The following CEP44 variants were observed in gnomAD, a reference collection of about 807,000 sequenced individuals.
CEP44 encodes the protein centrosomal protein 44, also known as centrosomal protein of 44 kDa.
In CEP44, 45 loss-of-function variants were observed where a neutral mutation model predicts 46.7. The ratio of observed to expected loss-of-function variants is 0.96; its 90% CI spans 0.76 to 1.24. The LOEUF (loss-of-function observed/expected upper bound fraction) is 1.24, where lower values mean the gene tolerates loss of function less well. Among genes scored for constraint, CEP44 ranks in the 50% most tolerant of loss-of-function variants. CEP44 has a pLI of 0.00. For synonymous variants in CEP44, 142 were observed against 146.0 expected, an observed-to-expected ratio of 0.97 and a Z score of 0.20; for missense variants, 475 against 459.7, an observed-to-expected ratio of 1.03 and a Z score of -0.30.
chr4:174,317,760 A>G lies in CEP44; in HGVS notation c.*377A>G. On this transcript the variant is annotated 3_prime_UTR_variant, in exon 12 of 12. Transcript: ENST00000503780. Reference sequence around the variant, plus strand: ...TCCTGTTGGAAACATTCCAAATGGGACTTGTGTATTATACCCAGGAGGCTC... The same window carrying G: ...TCCTGTTGGAAACATTCCAAATGGGGCTTGTGTATTATACCCAGGAGGCTC... 1.0e-6 allele frequency: 1 copy of G among 988,018 alleles called. No homozygotes were observed. Among genetic ancestry groups the G allele is most frequent in the South Asian group, 4.7e-5 (1 of 21,300 alleles). The allele number at this position is 988,018 out of a possible 1,614,324, so 61.2% of individuals were successfully genotyped here.
At chr4:174,291,088 T>C (rs1738146104) in intron 1 of CEP44, among the ~76,000 whole-genome samples, 1 of 152,150 alleles carries the variant, frequency 6.6e-6, no homozygotes, top group African/African-American at 2.4e-5. Flanking sequence ...GTTTTTATTA[T>C]CCATTTCAGC....
exon 9 of CEP44, chr4:174,332,346 A>C (rs1308174102): frequency 2.0e-5 from 3 of 152,204 alleles, no homozygotes; most frequent in African/African-American, 7.2e-5. Flanking sequence ...AAGAAGGGAA[A>C]ATAATGGGGA....
rs1427333583 is a variant in CEP44, at chr4:174,297,118, T to C, written c.-147-848T>C. Among the ~76,000 whole-genome samples, 1 of 152,092 alleles carries C rather than the reference T, an allele frequency of 6.6e-6. No individual in the cohort carries two copies. The highest frequency in any genetic ancestry group is 1.5e-5 in the Non-Finnish European group (1 of 68,004). On this transcript the variant is annotated intron_variant, in intron 1 of 11. Transcript: ENST00000503780. The surrounding 1 kb of genome is among the most constrained non-coding windows in gnomAD (Gnocchi z 4.3). ...TCTTATAAACAAAATGGATTTCTTATAGACAACATGTAGTTAGATCTTATT... is the reference window on the plus strand; with the variant it reads ...TCTTATAAACAAAATGGATTTCTTACAGACAACATGTAGTTAGATCTTATT...
chr4:174,308,674 T>C lies in CEP44; in HGVS notation c.508-15T>C, dbSNP rs370380836. ...AAAACATTGAAGTGTTTCTTACATA[T>C]TTTTCTCTATGCAGAAGAAAGCTGT... On this transcript the variant is annotated splice_polypyrimidine_tract_variant and intron_variant, in intron 6 of 11. Coordinates refer to ENST00000503780, the MANE Select transcript of CEP44 (RefSeq NM_001040157.3). 1 of 1,575,072 alleles carries C rather than the reference T, an allele frequency of 6.3e-7. No individual in the cohort carries two copies. The highest frequency in any genetic ancestry group is 8.6e-7 in the Non-Finnish European group (1 of 1,160,586).
downstream of CEP44, among the ~76,000 whole-genome samples, chr4:174,324,482 G>A (rs1742527231): frequency 6.6e-6 from 1 of 152,122 alleles, no homozygotes; most frequent in Non-Finnish European, 1.5e-5. Context: ...TTTCCAAACT[G>A]GCTGGCCCAT....
Position 174,299,207 on chromosome 4 carries a change from T to A in CEP44, c.86T>A (p.Val29Glu). 6.2e-7 allele frequency: 1 copy of A among 1,604,594 alleles called. No homozygotes were observed. The change falls in exon 3 of 12, where the codon GTA becomes GAA. Residue 29 changes from valine to glutamate, a missense_variant. Physicochemically the swap from Val to Glu is moderately radical, Grantham distance 121. Coordinates refer to ENST00000503780, the MANE Select transcript of CEP44 (RefSeq NM_001040157.3). ...AATTATCCTGAAGAGGTGGACTGTG[T>A]AGGGTAAGCTATAATATCAAACTTA... ...LLNYPEEVDCVGLIKGDPAAS... is the reference protein window; with the variant it reads ...LLNYPEEVDCEGLIKGDPAAS...
rs963226974 is a variant in CEP44, at chr4:174,314,333, A to G, written c.962-1833A>G. Among the ~76,000 whole-genome samples, 1 of 152,356 alleles carries G rather than the reference A, an allele frequency of 6.6e-6. No individual in the cohort carries two copies. Among genetic ancestry groups the G allele is most frequent in the African/African-American group, 2.4e-5 (1 of 41,588 alleles). On this transcript the variant is annotated intron_variant, in intron 9 of 11. Transcript: ENST00000503780. The surrounding 1 kb of genome is among the most constrained non-coding windows in gnomAD (Gnocchi z 4.1). ...GCTAAGAAACTATTAATGTTTAAAC[A>G]AGTAAGGCTTTACTAAAGGTTCAGG...
chr4:174,298,422 G>A (rs566825252), intron 2 of CEP44, among the ~76,000 whole-genome samples: 11 of 151,932 alleles, frequency 7.2e-5, no homozygotes, highest in African/African-American at 2.2e-4. Flanking sequence ...TGATCCGCCC[G>A]CCTCGGCCTC....
Position 174,288,834 on chromosome 4 carries a change from G to A in CEP44, c.-148+4891G>A, listed in dbSNP as rs183848726. 3.3e-5 allele frequency among the ~76,000 whole-genome samples: 5 copies of A among 152,172 alleles called. No individual in the cohort carries two copies. Among genetic ancestry groups the A allele is most frequent in the African/African-American group, 9.6e-5 (4 of 41,520 alleles). ...ACCTTGCCTTGTTCCTCATCTTATGGGGAAAGCTTTCAGTTTTTTATCTTT... is the reference window on the plus strand; with the variant it reads ...ACCTTGCCTTGTTCCTCATCTTATGAGGAAAGCTTTCAGTTTTTTATCTTT... On this transcript the variant is annotated intron_variant, in intron 1 of 11. Coordinates refer to ENST00000503780, the MANE Select transcript of CEP44 (RefSeq NM_001040157.3). This position sits in a 1 kb window ranked among gnomAD's most constrained non-coding sequence, Gnocchi z 4.6.
chr4:174,310,069 T>C lies in CEP44; in HGVS notation c.885+13T>C. ...TTTGTCTAAAAAGGTATTTTCCTCC[T>C]TTAACATTTATAAAATATCTCAGAT... On this transcript the variant is annotated intron_variant, in intron 8 of 11. Coordinates refer to ENST00000503780, the MANE Select transcript of CEP44 (RefSeq NM_001040157.3). The surrounding 1 kb of genome is among the most constrained non-coding windows in gnomAD (Gnocchi z 4.2). 1 of 1,599,328 alleles carries C rather than the reference T, an allele frequency of 6.3e-7. No individual in the cohort carries two copies. Among genetic ancestry groups the C allele is most frequent in the Non-Finnish European group, 8.5e-7 (1 of 1,174,244 alleles).
chr4:174,319,241 T>A lies in CEP44; in HGVS notation c.*1858T>A. On this transcript the variant is annotated 3_prime_UTR_variant, in exon 12 of 12. Coordinates refer to ENST00000503780, the MANE Select transcript of CEP44 (RefSeq NM_001040157.3). ...TAATGAAGCATGTTAGCTTTAATTT[T>A]TTCAATTGTGAGAGAAGTACATTTA... is the stretch of plus-strand genomic sequence containing the variant. 2 of 971,912 alleles carry A rather than the reference T, an allele frequency of 2.1e-6. No homozygotes were observed. Among genetic ancestry groups the A allele is most frequent in the Non-Finnish European group, 2.4e-6 (2 of 817,570 alleles). 60.2% of individuals were successfully genotyped at this position (971,912 alleles called of 1,614,324 possible).
rs1482937465 is a variant in CEP44, at chr4:174,314,531, T to C, written c.962-1635T>C. On this transcript the variant is annotated intron_variant, in intron 9 of 11. Transcript: ENST00000503780. This position sits in a 1 kb window ranked among gnomAD's most constrained non-coding sequence, Gnocchi z 4.1. Reference sequence around the variant, plus strand: ...AGCTTTCTCCCACCATGAGGCACACTCTTGAATAAGGTTAGACACCGCAAA... The same window carrying C: ...AGCTTTCTCCCACCATGAGGCACACCCTTGAATAAGGTTAGACACCGCAAA... Among the ~76,000 whole-genome samples the C allele has an allele frequency of 1.3e-5, 2 of 152,148 alleles. No individual in the cohort carries two copies. Among genetic ancestry groups the C allele is most frequent in the Non-Finnish European group, 2.9e-5 (2 of 68,038 alleles).
chr4:174,295,998 T>C (rs1469051116), intron 1 of CEP44, among the ~76,000 whole-genome samples: 2 of 152,212 alleles, frequency 1.3e-5, no homozygotes, highest in Admixed American at 1.3e-4. Context: ...CATTGATTTT[T>C]AGAATGTTGT....
At chr4:174,332,270 A>G (rs1036117585) in exon 9 of CEP44, 1 of 152,224 alleles carries the variant, frequency 6.6e-6, no homozygotes, top group East Asian at 1.9e-4. Context: ...ATGAAGAAAA[A>G]TAAATTAAGT....
intron 6 of CEP44, among the ~76,000 whole-genome samples, chr4:174,307,027 A>G (rs1341428067): frequency 6.6e-6 from 1 of 152,120 alleles, no homozygotes; most frequent in South Asian, 2.1e-4. Flanking sequence ...TGTTAAAATG[A>G]CTGTACTGCC....
chr4:174,329,736 A>T lies in CEP44; in HGVS notation c.1087-1746A>T, dbSNP rs1731214485. Reference sequence around the variant, plus strand: ...TGTTCTTCTCTAATTTAGTTAAAAAAATATTAATGAATATATGTTAACCTT... The same window carrying T: ...TGTTCTTCTCTAATTTAGTTAAAAATATATTAATGAATATATGTTAACCTT... On this transcript the variant is annotated intron_variant, in intron 8 of 8. Transcript: ENST00000426172. The surrounding 1 kb of genome is among the most constrained non-coding windows in gnomAD (Gnocchi z 4.0). 1.3e-5 allele frequency among the ~76,000 whole-genome samples: 2 copies of T among 152,190 alleles called. No individual in the cohort carries two copies. The highest frequency in any genetic ancestry group is 4.8e-5 in the African/African-American group (2 of 41,456).
At chr4:174,307,465 G>A (rs538418805) in intron 6 of CEP44, among the ~76,000 whole-genome samples, 1 of 152,248 alleles carries the variant, frequency 6.6e-6, no homozygotes, top group African/African-American at 2.4e-5. Flanking sequence ...ATCAACTCAA[G>A]ATGGATTAGA....
downstream of CEP44, among the ~76,000 whole-genome samples, chr4:174,323,689 G>A (rs1441976120): frequency 6.6e-6 from 1 of 152,152 alleles, no homozygotes; most frequent in Non-Finnish European, 1.5e-5. Context: ...ATCTGTGCGA[G>A]TGCAGTTAAG....
In CEP44 at chr4:174,288,697, G is replaced by A. The variant is rs996865601; in HGVS notation, c.-148+4754G>A. On this transcript the variant is annotated intron_variant, in intron 1 of 11. Coordinates refer to ENST00000503780, the MANE Select transcript of CEP44 (RefSeq NM_001040157.3). This position sits in a 1 kb window ranked among gnomAD's most constrained non-coding sequence, Gnocchi z 4.6. ...TCTAAGATCATGTCATCTGCAAACAGATATTGTACCTCTTCTCTTTTTATT... is the reference window on the plus strand; with the variant it reads ...TCTAAGATCATGTCATCTGCAAACAAATATTGTACCTCTTCTCTTTTTATT... 6.6e-6 allele frequency among the ~76,000 whole-genome samples: 1 copy of A among 152,098 alleles called. No individual in the cohort carries two copies. The highest frequency in any genetic ancestry group is 2.4e-5 in the African/African-American group (1 of 41,420).
Sources: allele counts gnomAD v4.1 joint callset (sites outside exome capture counted in the v4.1 genomes callset), GRCh38; gene constraint gnomAD v4.1.1; non-coding constraint Gnocchi (gnomAD v3.1); transcripts MANE v1.5; gene names NCBI Gene and HGNC (gene_info 2026-07-23, HGNC 2026-07-21).